FARP1: variants seen among roughly 807,000 people sequenced by gnomAD.
FARP1 encodes FERM, ARHGEF and pleckstrin domain-containing protein 1.
Under a neutral mutation model 128.8 loss-of-function variants are expected in FARP1, and 52 were observed. The ratio of observed to expected loss-of-function variants is 0.40; its 90% CI spans 0.32 to 0.51. FARP1 has a LOEUF of 0.51. FARP1 is among the 20% of genes least tolerant of loss of function. The pLI, the probability that FARP1 is intolerant of heterozygous loss-of-function variation, is 0.45. For synonymous variants in FARP1, 580 were observed against 551.8 expected, an observed-to-expected ratio of 1.05 and a Z score of -0.72; for missense variants, 1,333 against 1,367.9, an observed-to-expected ratio of 0.97 and a Z score of 0.40.
chr13:98,277,150 C>CACACACACACA (rs1566824337), intron 2 of FARP1, among the ~76,000 whole-genome samples: 142 of 11,724 alleles, frequency 0.012, 2 homozygotes, highest in African/African-American at 0.02. Context: ...ACACACACAC[C>CACACACACACA]CCATATGTAT....
At chr13:98,337,588 T>TGTGTGTGTGTGTGTG (rs1566893935) in intron 2 of FARP1, among the ~76,000 whole-genome samples, 3 of 147,060 alleles carry the variant, frequency 2.0e-5, no homozygotes, top group South Asian at 2.2e-4. Context: ...TGTGTGTGTG[T>TGTGTGTGTGTGTGTG]TTTGAAATAA....
intron 2 of FARP1, among the ~76,000 whole-genome samples, chr13:98,216,479 C>T (rs952663989): frequency 6.6e-6 from 1 of 152,216 alleles, no homozygotes; most frequent in Non-Finnish European, 1.5e-5. Context: ...TGCCACGCAG[C>T]TGAGCTGGGC....
intron 2 of FARP1, among the ~76,000 whole-genome samples, chr13:98,334,686 T>C (rs1272283161): frequency 6.6e-6 from 1 of 152,196 alleles, no homozygotes; most frequent in Non-Finnish European, 1.5e-5. Context: ...AGTAAGGAAG[T>C]ACACTAATTA....
chr13:98,254,483 A>G (rs78457743), intron 2 of FARP1, among the ~76,000 whole-genome samples: 6,451 of 152,260 alleles, frequency 0.042, 231 homozygotes, highest in African/African-American at 0.1. Flanking sequence ...TGCTCAATAA[A>G]AAGTGGGTAT....
At chr13:98,444,732 C>G (rs564956900) in intron 24 of FARP1, among the ~76,000 whole-genome samples, 140 of 152,334 alleles carry the variant, frequency 9.2e-4, no homozygotes, top group African/African-American at 3.2e-3. Context: ...CAAATGGGCC[C>G]AGACTGTGAT....
At chr13:98,356,215 T>C (rs1035874072) in intron 3 of FARP1, among the ~76,000 whole-genome samples, 1 of 152,228 alleles carries the variant, frequency 6.6e-6, no homozygotes, top group African/African-American at 2.4e-5. Flanking sequence ...TCTACAGTCA[T>C]GCGTCACTTA....
chr13:98,387,162 A>T (rs528570131), intron 8 of FARP1, among the ~76,000 whole-genome samples: 1 of 152,266 alleles, frequency 6.6e-6, no homozygotes, highest in East Asian at 1.9e-4. Flanking sequence ...TTAGCTGGGC[A>T]TGATGGCGTG....
intron 1 of FARP1, among the ~76,000 whole-genome samples, chr13:98,199,476 T>C (rs1879798103): frequency 1.3e-5 from 2 of 152,196 alleles, no homozygotes; most frequent in Non-Finnish European, 2.9e-5. Flanking sequence ...CATAAATGTT[T>C]GTTAATGGTG....
At chr13:98,175,797 T>C (rs1438857382) in intron 1 of FARP1, 4 of 224,584 alleles carry the variant, frequency 1.8e-5, no homozygotes, top group Non-Finnish European at 2.6e-5. Context: ...ATTTTGTGAC[T>C]AGTTTATTTC....
intron 1 of FARP1, among the ~76,000 whole-genome samples, chr13:98,211,685 A>C (rs1401030167): frequency 6.6e-6 from 1 of 152,094 alleles, no homozygotes; most frequent in African/African-American, 2.4e-5. Context: ...AGTATTTTCC[A>C]ACATTTGAGA....
intron 2 of FARP1, chr13:98,245,454 G>A (rs1883002641): frequency 1.9e-6 from 1 of 519,584 alleles, no homozygotes; most frequent in African/African-American, 2.1e-5. Flanking sequence ...GTAATACGAA[G>A]TGAGTACTTT....
Position 98,299,516 on chromosome 13 carries a change from C to T in FARP1, c.172-44246C>T, listed in dbSNP as rs1324134473. Among the ~76,000 whole-genome samples, 4 of 152,124 alleles carry T rather than the reference C, an allele frequency of 2.6e-5. No homozygotes were observed. In the South Asian group the frequency reaches 6.2e-4, roughly 24 times the overall value. ...GCCTATTCTACAGAAGACTCATAAGCCTTGAGCAATTGTGTGTGGAGTTAT... is the reference window on the plus strand; with the variant it reads ...GCCTATTCTACAGAAGACTCATAAGTCTTGAGCAATTGTGTGTGGAGTTAT... On this transcript the variant is annotated intron_variant, in intron 2 of 26. Transcript: ENST00000319562.
At chr13:98,354,791 A>G (rs1426182460) in intron 3 of FARP1, among the ~76,000 whole-genome samples, 2 of 152,248 alleles carry the variant, frequency 1.3e-5, no homozygotes, top group Admixed American at 6.5e-5. Context: ...AGACTATGGT[A>G]TACTACATTA....
chr13:98,342,434 C>T (rs1050605877), intron 2 of FARP1, among the ~76,000 whole-genome samples: 3 of 152,188 alleles, frequency 2.0e-5, no homozygotes, highest in Admixed American at 1.3e-4. Context: ...TACGGTGGCT[C>T]GTACCTGTAG....
chr13:98,316,755 C>G (rs1350829444), intron 2 of FARP1, among the ~76,000 whole-genome samples: 1 of 152,190 alleles, frequency 6.6e-6, no homozygotes, highest in Non-Finnish European at 1.5e-5. Flanking sequence ...TGAGTCTTGT[C>G]CCCTTCAGTT....
intron 2 of FARP1, among the ~76,000 whole-genome samples, chr13:98,302,442 G>A (rs1225033842): frequency 2.6e-5 from 4 of 151,780 alleles, no homozygotes; most frequent in Non-Finnish European, 5.9e-5. Flanking sequence ...TTCTTTTTCC[G>A]AGAGCTGCTT....
intron 2 of FARP1, among the ~76,000 whole-genome samples, chr13:98,309,923 G>A (rs1886378136): frequency 2.0e-5 from 3 of 152,114 alleles, no homozygotes; most frequent in Admixed American, 2.0e-4. Context: ...TGTAATCCTG[G>A]TCTTCAGAAG....
At chr13:98,431,381 G>A (rs547034397) in intron 18 of FARP1, 101 bp downstream of exon 18, 57 of 705,366 alleles carry the variant, frequency 8.1e-5, no homozygotes, top group Non-Finnish European at 1.3e-4. Flanking sequence ...GGGGAGAGAG[G>A]TCAGCTGATG....
chr13:98,297,199 C>T (rs1283889860), intron 2 of FARP1, among the ~76,000 whole-genome samples: 1 of 152,182 alleles, frequency 6.6e-6, no homozygotes, highest in African/African-American at 2.4e-5. Context: ...CTGTCAACTG[C>T]AAAGTGACGT....
Sources: allele counts gnomAD v4.1 joint callset (sites outside exome capture counted in the v4.1 genomes callset), GRCh38; gene constraint gnomAD v4.1.1; transcripts MANE v1.5; gene names NCBI Gene and HGNC (gene_info 2026-07-23, HGNC 2026-07-21).